NCOR1: variants seen among roughly 807,000 people sequenced by gnomAD.
The protein encoded by NCOR1 is protein phosphatase 1, regulatory subunit 109.
Under a neutral mutation model 288.1 loss-of-function variants are expected in NCOR1, and 63 were observed. That is an observed-to-expected ratio of 0.22 (90% CI 0.18 to 0.27). The LOEUF is 0.27. Ranked by LOEUF, NCOR1 falls within the 10% of genes least tolerant of loss-of-function variation. The probability of loss-of-function intolerance (pLI) is 1.00; values close to 1 mark genes in which losing one functional copy is unlikely to be tolerated. For missense variants in NCOR1, 2,397 were observed against 3,019.2 expected, an observed-to-expected ratio of 0.79 and a Z score of 4.83; for synonymous variants, 1,007 against 1,065.9, an observed-to-expected ratio of 0.94 and a Z score of 1.08.
At chr17:16,178,498 C>CAAAAAAAA (rs564320622) in intron 3 of NCOR1, among the ~76,000 whole-genome samples, 6 of 32,788 alleles carry the variant, frequency 1.8e-4, no homozygotes, top group South Asian at 1.1e-3. Context: ...GACTCCGTCT[C>CAAAAAAAA]AAAAAAAAAA....
rs1568336503 is a variant in NCOR1 at position 16,149,445 on chromosome 17, C to G, written c.909+6G>C. On this transcript the variant is annotated splice_donor_region_variant and intron_variant, in intron 9 of 45. Transcript: ENST00000268712. ...TAAATTTCAGTTAACAAGGATAGGACCTCACCCTTTGTTTTCTTGCATGAT... is the reference window on the plus strand; with the variant it reads ...TAAATTTCAGTTAACAAGGATAGGAGCTCACCCTTTGTTTTCTTGCATGAT... The G allele has an allele frequency of 6.5e-7, 1 of 1,531,686 alleles. No homozygotes were observed. The highest frequency in any genetic ancestry group is 8.9e-7 in the Non-Finnish European group (1 of 1,119,202). 94.9% of individuals were successfully genotyped at this position (1,531,686 alleles called of 1,614,324 possible). A position where few individuals can be genotyped will look rare whatever the true frequency, so the allele number is the denominator to read the frequency against.
intron 4 of NCOR1, among the ~76,000 whole-genome samples, chr17:16,168,447 C>T (rs796436392): frequency 9.9e-5 from 15 of 151,652 alleles, no homozygotes; most frequent in African/African-American, 2.4e-4. Flanking sequence ...GTGATCCGCC[C>T]GCCTCGGCCT....
chr17:16,163,535 G>GA (rs1599707856), intron 5 of NCOR1, among the ~76,000 whole-genome samples: 1 of 151,942 alleles, frequency 6.6e-6, no homozygotes, highest in Non-Finnish European at 1.5e-5. Context: ...AAGGAGGTAG[G>GA]AAAAAATGGA....
rs1409004854 is a variant in NCOR1, at chr17:16,145,423, T to G, written c.1082+953A>C. ...CAGTCTGGGAAGTGAGGAGCGTCTC[T>G]GCCCGGCCGCCCATCGTCTGGGATG... On this transcript the variant is annotated intron_variant, in intron 10 of 45. Coordinates refer to ENST00000268712, the MANE Select transcript of NCOR1 (RefSeq NM_006311.4). Among the ~76,000 whole-genome samples, 16 of 147,294 alleles carry G rather than the reference T, an allele frequency of 1.1e-4. 1 individual carries two copies. Among genetic ancestry groups the G allele is most frequent in the Admixed American group, 1.1e-3 (16 of 14,962 alleles).
intron 40 of NCOR1, among the ~76,000 whole-genome samples, chr17:16,051,471 G>C (rs1163348702): frequency 6.6e-6 from 1 of 152,156 alleles, no homozygotes; most frequent in African/African-American, 2.4e-5. Flanking sequence ...CAACGTACCA[G>C]AATCTCTGGG....
intron 4 of NCOR1, among the ~76,000 whole-genome samples, chr17:16,169,184 AG>A (rs2082633373): frequency 6.6e-6 from 1 of 152,196 alleles, no homozygotes; most frequent in African/African-American, 2.4e-5. Flanking sequence ...GAATGTACAA[AG>A]GGGGCACATT....
chr17:16,090,272 A>G lies in NCOR1; in HGVS notation c.3016+1591T>C, dbSNP rs538402900. 2.0e-5 allele frequency among the ~76,000 whole-genome samples: 3 copies of G among 152,286 alleles called. No homozygotes were observed. The South Asian group carries it at 6.2e-4, about 32-fold the overall frequency. ...TTATGCCTTGTCATAAGTTCAACAA[A>G]TGATACCATCTGAATGTCATTTTTC... On this transcript the variant is annotated intron_variant, in intron 22 of 45. Coordinates refer to ENST00000268712, the MANE Select transcript of NCOR1 (RefSeq NM_006311.4).
intron 3 of NCOR1, among the ~76,000 whole-genome samples, chr17:16,175,568 T>C (rs886178252): frequency 1.3e-5 from 2 of 152,162 alleles, no homozygotes; most frequent in African/African-American, 4.8e-5. Flanking sequence ...AAAGAGAATA[T>C]TCCATACTCA....
rs1206176033 is a variant in NCOR1, at chr17:16,073,546, T to C, written c.3694A>G (p.Thr1232Ala). ...TCATGAGCTGTTCTTGGACTCCTAG[T>C]CCCTTCTCGGGCATTCTTAATATCT... is the stretch of plus-strand genomic sequence containing the variant. ...YDNIKNAREG[T>A]RSPRTAHEIS... The change falls in exon 28 of 46, where the codon ACT becomes GCT. Residue 1232 changes from threonine to alanine, a missense_variant. Thr to Ala is a moderately conservative substitution (Grantham distance 58). This residue lies in a region of NCOR1 where 1,872 missense variants were observed against 2,187.8 expected (regional missense o/e 0.86). Coordinates refer to ENST00000268712, the MANE Select transcript of NCOR1 (RefSeq NM_006311.4). 6.2e-7 allele frequency: 1 copy of C among 1,608,976 alleles called. No individual in the cohort carries two copies. The highest frequency in any genetic ancestry group is 8.5e-7 in the Non-Finnish European group (1 of 1,177,818).
At chr17:16,181,211 A>ATGTATGTATGTGTG (rs758395387) in intron 3 of NCOR1, among the ~76,000 whole-genome samples, 105 of 139,578 alleles carry the variant, frequency 7.5e-4, no homozygotes, top group Non-Finnish European at 1.3e-3. Flanking sequence ...ATATATATGT[A>ATGTATGTATGTGTG]TGTGTGTGTG....
At chr17:16,176,022 G>C (rs542390178) in intron 3 of NCOR1, among the ~76,000 whole-genome samples, 6 of 151,892 alleles carry the variant, frequency 4.0e-5, no homozygotes, top group African/African-American at 1.4e-4. Flanking sequence ...TTCGAGACCA[G>C]CCTGGCCAAC....
intron 6 of NCOR1, among the ~76,000 whole-genome samples, chr17:16,156,223 C>G (rs753062958): frequency 4.0e-5 from 6 of 151,868 alleles, no homozygotes; most frequent in Non-Finnish European, 8.8e-5. Flanking sequence ...ATGACTTGAG[C>G]CCAGGAGTTC....
chr17:16,086,509 TCA>T (rs2064256078), intron 22 of NCOR1, 67 bp from the exon 23 acceptor site: 5 of 1,372,166 alleles, frequency 3.6e-6, no homozygotes, highest in Admixed American at 2.4e-5. Context: ...GTTACCTCTC[TCA>T]GTCATTCCTG....
rs1304042700 is a variant in NCOR1 at position 16,075,795 on chromosome 17, G to T, written c.3502-93C>A. The T allele has an allele frequency of 5.8e-6, 8 of 1,370,806 alleles. No individual in the cohort carries two copies. The East Asian group carries it at 1.9e-4, about 32-fold the overall frequency. The allele number at this position is 1,370,806 out of a possible 1,614,324, so 84.9% of individuals were successfully genotyped here. A position where few individuals can be genotyped will look rare whatever the true frequency, so the allele number is the denominator to read the frequency against. On this transcript the variant is annotated intron_variant, in intron 26 of 45. Coordinates refer to ENST00000268712, the MANE Select transcript of NCOR1 (RefSeq NM_006311.4). ...AAAATTTAACCTATGACAGAGTCAG[G>T]CTAATCTATAGCTTCAAAGAAGAAA...
rs187381131 is a variant in NCOR1, at chr17:16,106,932, G to A, written c.2182+1854C>T. Among the ~76,000 whole-genome samples the A allele has an allele frequency of 1.7e-4, 19 of 109,040 alleles. No individual in the cohort carries two copies. The East Asian group carries it at 5.0e-3, about 29-fold the overall frequency. The allele number at this position is 109,040 out of a possible 152,430, so 71.5% of individuals were successfully genotyped here. A position where few individuals can be genotyped will look rare whatever the true frequency, so the allele number is the denominator to read the frequency against. On this transcript the variant is annotated intron_variant, in intron 19 of 45. Transcript: ENST00000268712. ...TTTTTTGAGACAGTCTCGCTCTGTCGCCCAGGCTGGAGTGCAGTGGCGTGA... is the reference window on the plus strand; with the variant it reads ...TTTTTTGAGACAGTCTCGCTCTGTCACCCAGGCTGGAGTGCAGTGGCGTGA...
intron 44 of NCOR1, chr17:16,039,097 A>G (rs1597637947): frequency 4.9e-6 from 1 of 202,596 alleles, no homozygotes; most frequent in Non-Finnish European, 9.7e-6. Flanking sequence ...ACTGAGCCTA[A>G]TTTTTACAGT....
chr17:16,035,114 A>C (rs2151862810), intron 44 of NCOR1, among the ~76,000 whole-genome samples, 170 bp from the exon 45 acceptor site: 1 of 152,332 alleles, frequency 6.6e-6, no homozygotes, highest in East Asian at 1.9e-4. Flanking sequence ...AGAGATACTG[A>C]GGGTTTAGTA....
intron 40 of NCOR1, among the ~76,000 whole-genome samples, chr17:16,054,482 G>A (rs1028688095): frequency 6.6e-6 from 1 of 152,174 alleles, no homozygotes; most frequent in Non-Finnish European, 1.5e-5. Flanking sequence ...GCTGCTGTGA[G>A]CCGAGACTGC....
chr17:16,130,875 G>A (rs909230080), intron 14 of NCOR1, among the ~76,000 whole-genome samples: 3 of 150,358 alleles, frequency 2.0e-5, no homozygotes, highest in Admixed American at 6.7e-5. Context: ...TTTTTGTAGA[G>A]ATGAGGTTTC....
Sources: gnomAD v4.1 joint callset for allele counts (sites outside exome capture counted in the v4.1 genomes callset) on GRCh38, gnomAD v4.1.1 for gene constraint, gnomAD v4.1.1 regional missense constraint, MANE v1.5 for transcripts, NCBI Gene and HGNC (gene_info 2026-07-23, HGNC 2026-07-21) for gene names.